Variants in NDUFAF2 observed in about 807,000 individuals in gnomAD.
NDUFAF2 encodes the protein NADH dehydrogenase [ubiquinone] 1 alpha subcomplex assembly factor 2.
Under a neutral mutation model 22.8 loss-of-function variants are expected in NDUFAF2, and 13 were observed. That is an observed-to-expected ratio of 0.57 (90% CI 0.37 to 0.91). NDUFAF2 has a LOEUF of 0.91. NDUFAF2 is among the 40% of genes least tolerant of loss of function. NDUFAF2 has a pLI of 0.01. For missense variants in NDUFAF2, 162 were observed against 195.2 expected, an observed-to-expected ratio of 0.83 and a Z score of 1.01; for synonymous variants, 53 against 64.2, an observed-to-expected ratio of 0.83 and a Z score of 0.84.
chr5:61,043,703 A>ATGTG (rs201326548), intron 1 of NDUFAF2, among the ~76,000 whole-genome samples: 15 of 131,722 alleles, frequency 1.1e-4, no homozygotes, highest in African/African-American at 3.1e-4. Flanking sequence ...GTGTGTGTGT[A>ATGTG]TGTGTGTGTG....
chr5:61,035,424 G>GTTT lies in NDUFAF2; in HGVS notation c.128-37675_128-37673dup, dbSNP rs768889484. ...GACAACTCTCTTTCTCTCTTGCTCT[G>GTTT]TTTTTTTTTTTTTTTTTTTTTTTTT... On this transcript the variant is annotated intron_variant, in intron 1 of 3. Coordinates refer to ENST00000296597, the MANE Select transcript of NDUFAF2 (RefSeq NM_174889.5). 9.4e-3 allele frequency among the ~76,000 whole-genome samples: 379 copies of GTTT among 40,512 alleles called. 71 individuals carry two copies. The highest frequency in any genetic ancestry group is 0.023 in the African/African-American group (225 of 9,986). The allele number at this position is 40,512 out of a possible 152,430, so 26.6% of individuals were successfully genotyped here.
intron 3 of NDUFAF2, among the ~76,000 whole-genome samples, chr5:61,148,180 C>T (rs1472759069): frequency 1.3e-5 from 2 of 152,198 alleles, no homozygotes. Flanking sequence ...AAACCACCAT[C>T]CTCTGGTTGG....
intron 1 of NDUFAF2, among the ~76,000 whole-genome samples, chr5:61,028,788 A>G (rs543054381): frequency 6.6e-6 from 1 of 152,256 alleles, no homozygotes; most frequent in South Asian, 2.1e-4. Flanking sequence ...TTCCAAAAAG[A>G]CCTTAGCAGT....
intron 3 of NDUFAF2, chr5:61,114,778 C>T (rs572956554): frequency 2.0e-5 from 3 of 151,746 alleles, no homozygotes; most frequent in African/African-American, 7.3e-5. Context: ...CCCAGTAATG[C>T]TCTGGTTCTT....
chr5:60,991,391 A>G (rs1751156759), intron 1 of NDUFAF2, among the ~76,000 whole-genome samples: 1 of 152,086 alleles, frequency 6.6e-6, no homozygotes, highest in African/African-American at 2.4e-5. Context: ...TGTCCTGTCA[A>G]TAGTAGGTCT....
chr5:61,066,657 C>T (rs989671782), intron 1 of NDUFAF2, among the ~76,000 whole-genome samples: 1 of 151,984 alleles, frequency 6.6e-6, no homozygotes, highest in Non-Finnish European at 1.5e-5. Context: ...TATAACATGG[C>T]ATAATATTTG....
At chr5:60,951,887 T>C (rs1221975940) in intron 1 of NDUFAF2, among the ~76,000 whole-genome samples, 1 of 151,968 alleles carries the variant, frequency 6.6e-6, no homozygotes, top group Non-Finnish European at 1.5e-5. Context: ...AACCTACAAA[T>C]TTAATATCTT....
Position 61,075,550 on chromosome 5 carries a change from G to A in NDUFAF2, c.217+2336G>A, listed in dbSNP as rs368293831. On this transcript the variant is annotated intron_variant, in intron 2 of 3. Coordinates refer to ENST00000296597, the MANE Select transcript of NDUFAF2 (RefSeq NM_174889.5). ...TTTTCCAATAATAGTATAGAATTAAGATGTTTATAGAAATGTTATAAATAA... is the reference window on the plus strand; with the variant it reads ...TTTTCCAATAATAGTATAGAATTAAAATGTTTATAGAAATGTTATAAATAA... Among the ~76,000 whole-genome samples, 11 of 152,194 alleles carry A rather than the reference G, an allele frequency of 7.2e-5. No homozygotes were observed. The East Asian group carries it at 2.1e-3, about 29-fold the overall frequency.
chr5:60,948,718 G>A (rs1750499776), intron 1 of NDUFAF2, among the ~76,000 whole-genome samples: 1 of 151,796 alleles, frequency 6.6e-6, no homozygotes, highest in South Asian at 2.1e-4. Context: ...TAGATATTTG[G>A]GTTGTTTCTA....
At chr5:61,107,434 A>T (rs1281055202) in intron 3 of NDUFAF2, among the ~76,000 whole-genome samples, 1 of 151,174 alleles carries the variant, frequency 6.6e-6, no homozygotes, top group African/African-American at 2.5e-5. Context: ...TAATCTGTTC[A>T]TTAGATTTTT....
chr5:60,959,657 C>T (rs1335932769), intron 1 of NDUFAF2, among the ~76,000 whole-genome samples: 1 of 151,916 alleles, frequency 6.6e-6, no homozygotes, highest in Non-Finnish European at 1.5e-5. Flanking sequence ...CTAAAACATG[C>T]CTTCGGTTTA....
At chr5:61,084,829 C>G (rs1752487107) in intron 2 of NDUFAF2, among the ~76,000 whole-genome samples, 1 of 151,986 alleles carries the variant, frequency 6.6e-6, no homozygotes. Context: ...TAAATAGGTA[C>G]AGTAAATTTA....
chr5:61,121,019 T>C (rs1183168323), intron 3 of NDUFAF2, among the ~76,000 whole-genome samples: 1 of 152,080 alleles, frequency 6.6e-6, no homozygotes, highest in Non-Finnish European at 1.5e-5. Flanking sequence ...GGCGGAATAA[T>C]GGTGTTTAAG....
chr5:61,041,567 C>G (rs1351389273), intron 1 of NDUFAF2, among the ~76,000 whole-genome samples: 1 of 152,066 alleles, frequency 6.6e-6, no homozygotes, highest in South Asian at 2.1e-4. Context: ...CCAATACTTT[C>G]GAGTTTAAAA....
chr5:61,097,527 A>G (rs1436686483), intron 2 of NDUFAF2, among the ~76,000 whole-genome samples: 2 of 152,244 alleles, frequency 1.3e-5, no homozygotes, highest in African/African-American at 2.4e-5. Context: ...GTCTGTGCCT[A>G]AATGAATAAG....
intron 3 of NDUFAF2, among the ~76,000 whole-genome samples, chr5:61,150,257 C>G (rs559613106): frequency 6.6e-6 from 1 of 151,970 alleles, no homozygotes; most frequent in Non-Finnish European, 1.5e-5. Flanking sequence ...TTTACAAGAC[C>G]GTATTTCCTT....
chr5:61,111,029 T>C (rs1267714071), intron 3 of NDUFAF2, among the ~76,000 whole-genome samples: 1 of 152,164 alleles, frequency 6.6e-6, no homozygotes, highest in Non-Finnish European at 1.5e-5. Flanking sequence ...TTTTCATTTG[T>C]TTCAAGAAAT....
chr5:61,013,179 G>A (rs1751461687), intron 1 of NDUFAF2, among the ~76,000 whole-genome samples: 1 of 152,116 alleles, frequency 6.6e-6, no homozygotes, highest in South Asian at 2.1e-4. Flanking sequence ...ATTGAAACTT[G>A]GAGAGTAGCT....
chr5:61,090,421 G>T (rs1752552467), intron 2 of NDUFAF2, among the ~76,000 whole-genome samples: 1 of 151,954 alleles, frequency 6.6e-6, no homozygotes, highest in African/African-American at 2.4e-5. Flanking sequence ...TTCATGTCAT[G>T]AAATACTGTT....
Sources: allele counts gnomAD v4.1 joint callset (sites outside exome capture counted in the v4.1 genomes callset), GRCh38; gene constraint gnomAD v4.1.1; transcripts MANE v1.5; gene names NCBI Gene and HGNC (gene_info 2026-07-23, HGNC 2026-07-21).